BPTF: variants seen among roughly 807,000 people sequenced by gnomAD.
BPTF encodes the protein bromodomain PHD finger transcription factor.
BPTF carries 18 observed loss-of-function variants against 292.5 expected under a neutral mutation model. That is an observed-to-expected ratio of 0.06 (90% confidence interval 0.04 to 0.09). BPTF has a LOEUF of 0.09. Among genes scored for constraint, BPTF ranks in the 10% least tolerant of loss-of-function variants. BPTF has a pLI of 1.00. For missense variants in BPTF, 2,726 were observed against 3,498.7 expected, an observed-to-expected ratio of 0.78 and a Z score of 5.57; for synonymous variants, 1,225 against 1,251.9, an observed-to-expected ratio of 0.98 and a Z score of 0.45.
At chr17:67,837,211 C>T (rs2057198534) in intron 1 of BPTF, among the ~76,000 whole-genome samples, 1 of 152,122 alleles carries the variant, frequency 6.6e-6, no homozygotes, top group African/African-American at 2.4e-5. Flanking sequence ...AGAATTCAGG[C>T]TCTTTTTGCG....
chr17:67,929,143 A>G, intron 16 of BPTF, 193 bp from the exon 17 acceptor site: 1 of 1,359,718 alleles, frequency 7.4e-7, no homozygotes, highest in Non-Finnish European at 9.5e-7. Flanking sequence ...TGAAGTTTTA[A>G]TTCACATTTG....
chr17:67,909,265 A>AG (rs2062475050), intron 9 of BPTF, among the ~76,000 whole-genome samples: 1 of 128,180 alleles, frequency 7.8e-6, no homozygotes, highest in African/African-American at 3.0e-5. Context: ...CCACCGCACC[A>AG]GGTCCCCCCC....
chr17:67,825,615 C>CAA lies in BPTF; in HGVS notation c.-110_-109insAA, dbSNP rs2055912614. The CAA allele has an allele frequency of 3.3e-6, 1 of 300,572 alleles. No homozygotes were observed. The highest frequency in any genetic ancestry group is 6.8e-6 in the Non-Finnish European group (1 of 147,626). The allele number at this position is 300,572 out of a possible 1,614,324, so 18.6% of individuals were successfully genotyped here. On this transcript the variant is annotated 5_prime_UTR_variant, in exon 1 of 28. Transcript: ENST00000306378. The stretch of plus-strand genomic sequence containing the variant: ...CCACCCGCTTCCGTCGGCCGGGCCC[C>CAA]TCCCGCCCGGCCCCGCGGGCCTCCC...
At chr17:67,893,992 C>A in intron 6 of BPTF, 42 bp from the exon 7 acceptor site, 1 of 1,601,368 alleles carries the variant, frequency 6.2e-7, no homozygotes, top group South Asian at 1.1e-5. Context: ...AATTTAAGGT[C>A]AACCTAGTGA....
At chr17:67,861,363 G>C (rs1470843407) in intron 2 of BPTF, among the ~76,000 whole-genome samples, 2 of 145,438 alleles carry the variant, frequency 1.4e-5, no homozygotes, top group Non-Finnish European at 1.5e-5. Context: ...TTTTGAGATG[G>C]AGTCTCACTC....
chr17:67,957,694 T>TC (rs1555681723), intron 23 of BPTF, among the ~76,000 whole-genome samples: 1 of 152,110 alleles, frequency 6.6e-6, no homozygotes, highest in Non-Finnish European at 1.5e-5. Context: ...ACAGCAAGAC[T>TC]CCATCTCCTC....
intron 18 of BPTF, among the ~76,000 whole-genome samples, chr17:67,940,177 A>G (rs1598797434): frequency 6.6e-6 from 1 of 152,210 alleles, no homozygotes; most frequent in Admixed American, 6.5e-5. Context: ...TTTTAGATTT[A>G]TAGGAAGAAT....
chr17:67,913,106 C>T lies in BPTF; in HGVS notation c.5222C>T (p.Pro1741Leu). 6.2e-7 allele frequency: 1 copy of T among 1,614,130 alleles called. No homozygotes were observed. The highest frequency in any genetic ancestry group is 8.5e-7 in the Non-Finnish European group (1 of 1,180,002). ...LARKGGIREV[P>L]YFNYNAKPAL... ...CGAAAAGGAGGAATCCGAGAGGTCC[C>T]TTATTTTAATTACAATGCAAAACCT... The change falls in exon 11 of 28, where the codon CCT becomes CTT. Residue 1741 changes from proline (P) to leucine (L), a missense_variant. Around this residue, in one of 22 missense-constraint regions of BPTF, gnomAD observed 24 missense variants for 57.5 expected, o/e 0.42. Transcript: ENST00000306378.
At chr17:67,905,235 C>T (rs1022595377) in intron 9 of BPTF, among the ~76,000 whole-genome samples, 1 of 151,656 alleles carries the variant, frequency 6.6e-6, no homozygotes, top group African/African-American at 2.4e-5. Flanking sequence ...ATGGTGAAAC[C>T]CTGTCTCTAC....
chr17:67,830,084 C>A (rs929707757), intron 1 of BPTF, among the ~76,000 whole-genome samples: 4 of 152,100 alleles, frequency 2.6e-5, no homozygotes, highest in Non-Finnish European at 4.4e-5. Context: ...TTACTTCAGC[C>A]TATAGGTTTT....
intron 4 of BPTF, among the ~76,000 whole-genome samples, chr17:67,891,248 T>C (rs1384320947): frequency 6.6e-6 from 1 of 152,200 alleles, no homozygotes; most frequent in Admixed American, 6.5e-5. Flanking sequence ...AATTTGCTCC[T>C]GTGGAGTTTA....
At chr17:67,904,927 A>G (rs1459910958) in intron 9 of BPTF, 87 bp downstream of exon 9, 6 of 1,152,842 alleles carry the variant, frequency 5.2e-6, no homozygotes, top group Non-Finnish European at 7.1e-6. Context: ...TATTTTAGAT[A>G]AAAACATTTT....
intron 23 of BPTF, among the ~76,000 whole-genome samples, chr17:67,953,437 T>A (rs2066584938): frequency 6.7e-6 from 1 of 150,036 alleles, no homozygotes; most frequent in African/African-American, 2.5e-5. Flanking sequence ...TTTTTGTTTT[T>A]TGAAGAGATA....
chr17:67,826,207 C>G lies in BPTF; in HGVS notation c.483C>G (p.Asp161Glu), dbSNP rs946753206. Residue 161 changes from aspartate to glutamate, a missense_variant, in exon 1 of 28, where the codon GAC (aspartate) becomes GAG (glutamate). Coordinates refer to ENST00000306378, the MANE Select transcript of BPTF (RefSeq NM_182641.4). ...AGGAGACCCAGGATTCTGAGGACGACGAGGAGGATGAGATGGAAGAGGACG... is the reference window on the plus strand; with the variant it reads ...AGGAGACCCAGGATTCTGAGGACGAGGAGGAGGATGAGATGGAAGAGGACG... ...DAEETQDSED[D>E]EEDEMEEDDD... 3.1e-6 allele frequency: 5 copies of G among 1,612,530 alleles called. No individual in the cohort carries two copies. The highest frequency in any genetic ancestry group is 2.2e-5 in the East Asian group (1 of 44,846).
At chr17:67,947,857 G>A (rs782382949) in intron 22 of BPTF, 49 bp downstream of exon 22, 25 of 1,500,134 alleles carry the variant, frequency 1.7e-5, no homozygotes, top group Middle Eastern at 3.4e-4. Flanking sequence ...TCTCTTTATC[G>A]TGCACACGCA....
chr17:67,934,315 C>G (rs186494911), intron 18 of BPTF, among the ~76,000 whole-genome samples: 1 of 151,226 alleles, frequency 6.6e-6, no homozygotes, highest in Non-Finnish European at 1.5e-5. Context: ...GTCAGGAGTT[C>G]GAGACTAGCC....
At chr17:67,908,529 G>A (rs1476337504) in intron 9 of BPTF, among the ~76,000 whole-genome samples, 3 of 126,320 alleles carry the variant, frequency 2.4e-5, no homozygotes, top group Non-Finnish European at 4.7e-5. Context: ...GTCTCACTCT[G>A]TCACCCAGGC....
At chr17:67,877,575 A>G (rs1263234577) in intron 4 of BPTF, among the ~76,000 whole-genome samples, 1 of 152,248 alleles carries the variant, frequency 6.6e-6, no homozygotes, top group African/African-American at 2.4e-5. Context: ...TATCGACAAA[A>G]GATAACTGTC....
chr17:67,864,797 A>G (rs1567930312), intron 2 of BPTF, among the ~76,000 whole-genome samples: 1 of 151,550 alleles, frequency 6.6e-6, no homozygotes, highest in Non-Finnish European at 1.5e-5. Context: ...ATCATTCCTT[A>G]TTTATTTATT....
Sources: allele counts gnomAD v4.1 joint callset (sites outside exome capture counted in the v4.1 genomes callset), GRCh38; gene constraint gnomAD v4.1.1; regional missense constraint gnomAD v4.1.1; transcripts MANE v1.5; gene names NCBI Gene and HGNC (gene_info 2026-07-23, HGNC 2026-07-21).